Variants in CSNK1G2 observed in about 807,000 individuals in gnomAD.
CSNK1G2 encodes the protein casein kinase I isoform gamma-2.
CSNK1G2 carries 11 observed loss-of-function variants against 48.0 expected under a neutral mutation model. The observed-to-expected ratio is 0.23, with a 90% confidence interval of 0.14 to 0.38. The LOEUF (loss-of-function observed/expected upper bound fraction) is 0.38, where lower values mean the gene tolerates loss of function less well. Among genes scored for constraint, CSNK1G2 ranks in the 10% least tolerant of loss-of-function variants. CSNK1G2 has a pLI of 1.00. For missense variants in CSNK1G2, 446 were observed against 595.5 expected, an observed-to-expected ratio of 0.75 and a Z score of 2.61; for synonymous variants, 337 against 254.1, an observed-to-expected ratio of 1.33 and a Z score of -3.10.
chr19:1,946,762 G>C (rs1214498167), intron 1 of CSNK1G2, among the ~76,000 whole-genome samples: 1 of 151,390 alleles, frequency 6.6e-6, no homozygotes, highest in Non-Finnish European at 1.5e-5. Flanking sequence ...ACAGGTACAT[G>C]CCATCACGCC....
At chr19:1,976,232 A>G (rs1008544797) in intron 2 of CSNK1G2, 12 of 665,304 alleles carry the variant, frequency 1.8e-5, no homozygotes, top group Non-Finnish European at 2.3e-5. Flanking sequence ...AGGGGAGCCC[A>G]TTTGTTCTGA....
At chr19:1,971,985 G>A (rs912870631) in intron 2 of CSNK1G2, among the ~76,000 whole-genome samples, 1 of 152,128 alleles carries the variant, frequency 6.6e-6, no homozygotes, top group Non-Finnish European at 1.5e-5. Flanking sequence ...TAGCCAGGAT[G>A]GTCTTGATCT....
intron 1 of CSNK1G2, among the ~76,000 whole-genome samples, chr19:1,946,301 A>ATTTATTTATTTT (rs1414304945): frequency 1.8e-4 from 13 of 72,832 alleles, no homozygotes; most frequent in South Asian, 1.4e-3. Flanking sequence ...TTATTTATTT[A>ATTTATTTATTTT]TTTTTTTTAA....
At chr19:1,952,144 G>C (rs1403036661) in intron 1 of CSNK1G2, among the ~76,000 whole-genome samples, 1 of 152,202 alleles carries the variant, frequency 6.6e-6, no homozygotes, top group African/African-American at 2.4e-5. Context: ...TGTGTGAAAG[G>C]GGTCGTGATG....
chr19:1,979,590 G>T lies in CSNK1G2; in HGVS notation c.949G>T (p.Asp317Tyr). 1.2e-6 allele frequency: 2 copies of T among 1,607,582 alleles called. No individual in the cohort carries two copies. Among genetic ancestry groups the T allele is most frequent in the Non-Finnish European group, 1.7e-6 (2 of 1,179,884 alleles). The change falls in exon 9 of 12, where the codon GAC becomes TAC. Residue 317 changes from aspartate to tyrosine, a missense_variant. This residue lies in a region of CSNK1G2 where 188 missense variants were observed against 179.6 expected (regional missense o/e 1.05). Coordinates refer to ENST00000255641, the MANE Select transcript of CSNK1G2 (RefSeq NM_001319.7). ...GCGGAAGCTCTTCACCGACCTCTTC[G>T]ACCGCAGTGGCTTCGTGTTCGACTA... Reference protein sequence around the residue: ...YLRKLFTDLFDRSGFVFDYEY... With the variant: ...YLRKLFTDLFYRSGFVFDYEY...
rs554233616 is a variant in CSNK1G2, at chr19:1,945,229, C to T, written c.-266+3811C>T. Among the ~76,000 whole-genome samples, 19 of 152,368 alleles carry T rather than the reference C, an allele frequency of 1.2e-4. 1 individual carries two copies. In the South Asian group the frequency reaches 3.9e-3, roughly 32 times the overall value. ...CTGCAGGTGCAGCGTGAGCTGTGTC[C>T]TGGGCCCACAGGGGAGCCGCTTCTC... On this transcript the variant is annotated intron_variant, in intron 1 of 11. Coordinates refer to ENST00000255641, the MANE Select transcript of CSNK1G2 (RefSeq NM_001319.7).
At chr19:1,969,363 G>T (rs1162803900) in intron 1 of CSNK1G2, 145 bp from the exon 2 acceptor site, 1 of 156,334 alleles carries the variant, frequency 6.4e-6, no homozygotes, top group African/African-American at 2.4e-5. Context: ...TTCCGGGCAG[G>T]GACGGTGCTC....
intron 2 of CSNK1G2, among the ~76,000 whole-genome samples, chr19:1,972,542 T>C (rs2015607979): frequency 6.6e-6 from 1 of 152,246 alleles, no homozygotes; most frequent in African/African-American, 2.4e-5. Flanking sequence ...ATCTCTGTGT[T>C]GGTACTTTTT....
chr19:1,946,319 T>C (rs971206138), intron 1 of CSNK1G2, among the ~76,000 whole-genome samples: 5 of 151,244 alleles, frequency 3.3e-5, no homozygotes, highest in Non-Finnish European at 7.4e-5. Context: ...TAAGATGGAG[T>C]CTTGCACTGT....
chr19:1,979,737 C>G lies in CSNK1G2; in HGVS notation c.1003-15C>G. On this transcript the variant is annotated splice_polypyrimidine_tract_variant and intron_variant, in intron 9 of 11. Transcript: ENST00000255641. ...GCGCTGCAGCCCATCCTGACCCCTGCTCCCTCACCCACAGCCGACCCCCAT... is the reference window on the plus strand; with the variant it reads ...GCGCTGCAGCCCATCCTGACCCCTGGTCCCTCACCCACAGCCGACCCCCAT... The G allele has an allele frequency of 6.2e-7, 1 of 1,604,946 alleles. No homozygotes were observed. Among genetic ancestry groups the G allele is most frequent in the South Asian group, 1.1e-5 (1 of 91,004 alleles).
chr19:1,967,335 G>A (rs979575522), intron 1 of CSNK1G2, among the ~76,000 whole-genome samples: 11 of 152,080 alleles, frequency 7.2e-5, no homozygotes, highest in African/African-American at 2.2e-4. Flanking sequence ...CTCTTCACCC[G>A]CGGCCCCTAC....
intron 2 of CSNK1G2, chr19:1,976,158 C>T (rs1394650709): frequency 1.4e-5 from 17 of 1,202,010 alleles, no homozygotes; most frequent in Non-Finnish European, 1.5e-5. Flanking sequence ...GTGTTTGGGG[C>T]ACGGCTCCTG....
rs147892032 is a variant in CSNK1G2, at chr19:1,978,627, C to T, written c.324C>T (p.Phe108=). The change falls in exon 5 of 12, where the codon TTC becomes TTT. Residue 108 remains phenylalanine, a synonymous_variant. Transcript: ENST00000255641. This position sits in a 1 kb window ranked among gnomAD's most constrained non-coding sequence, Gnocchi z 7.3. The part of the protein sequence containing the change: ...ATEGVPQVYY[F]GPCGKYNAMV... Reference sequence around the variant, plus strand: ...AGGGCGTCCCTCAGGTCTACTACTTCGGTCCGTGCGGGAAGTACAACGCCA... The same window carrying T: ...AGGGCGTCCCTCAGGTCTACTACTTTGGTCCGTGCGGGAAGTACAACGCCA... 3.2e-5 allele frequency: 51 copies of T among 1,602,942 alleles called. No individual in the cohort carries two copies. The highest frequency in any genetic ancestry group is 6.8e-5 in the Admixed American group (4 of 58,724).
chr19:1,951,150 C>T (rs1195324918), intron 1 of CSNK1G2, among the ~76,000 whole-genome samples: 2 of 145,642 alleles, frequency 1.4e-5, no homozygotes, highest in Non-Finnish European at 3.0e-5. Context: ...GCCTGTAATC[C>T]CAGCACTTTG....
intron 1 of CSNK1G2, among the ~76,000 whole-genome samples, chr19:1,944,292 G>T (rs2145490837): frequency 1.3e-5 from 2 of 152,268 alleles, no homozygotes; most frequent in Middle Eastern, 6.8e-3. Flanking sequence ...GGCCGTCTGA[G>T]TGAGGCCTGC....
In CSNK1G2 at chr19:1,975,426, G is replaced by A. The variant is rs184190459; in HGVS notation, c.188-2879G>A. 1.2e-3 allele frequency: 1,183 copies of A among 985,466 alleles called. 12 individuals carry two copies. In the African/African-American group the frequency reaches 0.018, roughly 15 times the overall value. 61.0% of individuals were successfully genotyped at this position (985,466 alleles called of 1,614,324 possible). Reference sequence around the variant, plus strand: ...CAGGAAGAGCTACACAGCCGTGTTCGCCGGAACTCCGCTCTGGAGAGTCAG... The same window carrying A: ...CAGGAAGAGCTACACAGCCGTGTTCACCGGAACTCCGCTCTGGAGAGTCAG... On this transcript the variant is annotated intron_variant, in intron 2 of 11. Coordinates refer to ENST00000255641, the MANE Select transcript of CSNK1G2 (RefSeq NM_001319.7).
intron 1 of CSNK1G2, among the ~76,000 whole-genome samples, chr19:1,956,523 C>G (rs111717997): frequency 6.6e-6 from 1 of 152,134 alleles, no homozygotes; most frequent in East Asian, 1.9e-4. Flanking sequence ...TCTCAAAAAA[C>G]AAAAGACCAC....
chr19:1,969,215 C>A (rs2015480161), intron 1 of CSNK1G2, among the ~76,000 whole-genome samples: 1 of 150,982 alleles, frequency 6.6e-6, no homozygotes, highest in Admixed American at 6.6e-5. Context: ...AGTACACTCT[C>A]CCACCTGTGC....
chr19:1,964,295 AAAAAAAAC>A (rs2015294279), intron 1 of CSNK1G2, among the ~76,000 whole-genome samples: 1 of 147,990 alleles, frequency 6.8e-6, no homozygotes, highest in Non-Finnish European at 1.5e-5. Flanking sequence ...CCTGTGTTAA[AAAAAAAAC>A]AAAAAAAAAC....
Sources: allele counts gnomAD v4.1 joint callset (sites outside exome capture counted in the v4.1 genomes callset), GRCh38; gene constraint gnomAD v4.1.1; regional missense constraint gnomAD v4.1.1; non-coding constraint Gnocchi (gnomAD v3.1); transcripts MANE v1.5; gene names NCBI Gene and HGNC (gene_info 2026-07-23, HGNC 2026-07-21).